Variants in TSHZ1 observed in about 807,000 individuals in gnomAD.
TSHZ1 encodes teashirt zinc finger homeobox 1, also known as teashirt homolog 1.
A neutral mutation model predicts 67.1 loss-of-function variants in TSHZ1; 12 were observed. That is an observed-to-expected ratio of 0.18 (90% CI 0.11 to 0.29). The LOEUF is 0.29. Ranked by LOEUF, TSHZ1 falls within the 10% of genes least tolerant of loss-of-function variation. The pLI, the probability that TSHZ1 is intolerant of heterozygous loss-of-function variation, is 1.00. For missense variants in TSHZ1, 1,305 were observed against 1,413.9 expected (o/e 0.92, Z 1.23); for synonymous variants, 632 against 622.4 (o/e 1.02, Z -0.23).
intron 1 of TSHZ1, among the ~76,000 whole-genome samples, chr18:75,230,294 C>T (rs2022980794): frequency 6.6e-6 from 1 of 152,200 alleles, no homozygotes; most frequent in Non-Finnish European, 1.5e-5. Context: ...TCCTGTCCGT[C>T]CTGGAGTGAC....
intron 1 of TSHZ1, among the ~76,000 whole-genome samples, chr18:75,216,128 G>GAATA (rs1420645964): frequency 6.6e-6 from 1 of 152,108 alleles, no homozygotes; most frequent in Admixed American, 6.5e-5. Flanking sequence ...CATACAGGGG[G>GAATA]ATGAAAATAG....
intron 1 of TSHZ1, among the ~76,000 whole-genome samples, chr18:75,243,672 G>A (rs1035307428): frequency 2.0e-5 from 3 of 152,210 alleles, no homozygotes; most frequent in Admixed American, 6.5e-5. Context: ...AGTAGGACTA[G>A]CTGAGGAATG....
chr18:75,261,314 TA>T (rs1422665349), intron 1 of TSHZ1, among the ~76,000 whole-genome samples: 5 of 152,328 alleles, frequency 3.3e-5, no homozygotes, highest in Admixed American at 3.3e-4. Flanking sequence ...AACATCATTG[TA>T]ACACATTTAT....
intron 1 of TSHZ1, among the ~76,000 whole-genome samples, chr18:75,266,314 A>G (rs552285051): frequency 6.6e-6 from 1 of 152,326 alleles, no homozygotes; most frequent in African/African-American, 2.4e-5. Flanking sequence ...TCTGACTTCA[A>G]TGCAGTGGAT....
intron 1 of TSHZ1, among the ~76,000 whole-genome samples, chr18:75,223,309 A>G (rs1366297069): frequency 6.6e-6 from 1 of 152,194 alleles, no homozygotes; most frequent in Non-Finnish European, 1.5e-5. Context: ...ATGTGCTCGT[A>G]TAGGGAAGAT....
At chr18:75,257,165 A>G (rs1287731742) in intron 1 of TSHZ1, among the ~76,000 whole-genome samples, 1 of 152,218 alleles carries the variant, frequency 6.6e-6, no homozygotes, top group Non-Finnish European at 1.5e-5. Flanking sequence ...TTGACCTTCA[A>G]TTGGGGGATC....
At chr18:75,244,729 G>A (rs886321950) in intron 1 of TSHZ1, 4 of 152,274 alleles carry the variant, frequency 2.6e-5, no homozygotes, top group Non-Finnish European at 4.4e-5. Flanking sequence ...TCAGTGCAGC[G>A]TTGAGCTTCA....
Position 75,211,899 on chromosome 18 carries a change from C to T in TSHZ1, c.23C>T (p.Ala8Val), listed in dbSNP as rs1044316616. The change falls in exon 1 of 2, where the codon GCC (alanine) becomes GTC (valine). Residue 8 changes from alanine to valine, a missense_variant. Around this residue, in one of 3 missense-constraint regions of TSHZ1, gnomAD observed 358 missense variants for 375.6 expected, o/e 0.95. Transcript: ENST00000580243. The stretch of plus-strand genomic sequence containing the variant: ...AGCATGCCGAGGAGGAAGCAGCAGG[C>T]CCCCCGGCGCTCGGCAGGTAACGGG... The part of the protein sequence containing the change: MPRRKQQ[A>V]PRRSAAYVPE... 4.5e-5 allele frequency: 54 copies of T among 1,197,678 alleles called. No individual in the cohort carries two copies. Among genetic ancestry groups the T allele is most frequent in the Non-Finnish European group, 4.1e-5 (40 of 966,112 alleles). 74.2% of individuals were successfully genotyped at this position (1,197,678 alleles called of 1,614,324 possible).
At chr18:75,218,433 A>G (rs1360038514) in intron 1 of TSHZ1, among the ~76,000 whole-genome samples, 1 of 152,230 alleles carries the variant, frequency 6.6e-6, no homozygotes, top group Non-Finnish European at 1.5e-5. Context: ...TTGATTTATG[A>G]AGGGGAACAG....
At chr18:75,276,745 T>G (rs17056773) in intron 1 of TSHZ1, among the ~76,000 whole-genome samples, 31,448 of 152,150 alleles carry the variant, frequency 0.21, 3,480 homozygotes, top group East Asian at 0.5. Context: ...GATAAACATG[T>G]AATTTGGTAA....
chr18:75,253,904 G>A (rs2023333786), intron 1 of TSHZ1, among the ~76,000 whole-genome samples: 1 of 152,192 alleles, frequency 6.6e-6, no homozygotes, highest in Non-Finnish European at 1.5e-5. Context: ...GTGTTATCTG[G>A]TAGTGGTGAG....
At chr18:75,261,264 T>A (rs1300742518) in intron 1 of TSHZ1, among the ~76,000 whole-genome samples, 1 of 152,190 alleles carries the variant, frequency 6.6e-6, no homozygotes, top group African/African-American at 2.4e-5. Flanking sequence ...GCTGTCTAAC[T>A]CTGCCATAGA....
chr18:75,283,378 C>T (rs553873219), intron 1 of TSHZ1: 1 of 152,366 alleles, frequency 6.6e-6, no homozygotes, highest in South Asian at 2.1e-4. Flanking sequence ...TAATTACAGG[C>T]TAATGACAAT....
At chr18:75,274,184 T>C (rs1199334771) in intron 1 of TSHZ1, among the ~76,000 whole-genome samples, 1 of 152,208 alleles carries the variant, frequency 6.6e-6, no homozygotes, top group African/African-American at 2.4e-5. Flanking sequence ...CAAAGCTGTT[T>C]TGACACAAAA....
At chr18:75,234,705 G>C (rs8092694) in intron 1 of TSHZ1, among the ~76,000 whole-genome samples, 13,951 of 152,036 alleles carry the variant, frequency 0.092, 1,444 homozygotes, top group African/African-American at 0.26. Context: ...CTGTGAGGTT[G>C]TGGATATTTC....
intron 1 of TSHZ1, among the ~76,000 whole-genome samples, chr18:75,212,233 G>A (rs1245426322): frequency 2.6e-5 from 4 of 152,206 alleles, no homozygotes; most frequent in African/African-American, 9.6e-5. Context: ...GTGCGCTGAG[G>A]GGAAGTAGTT....
rs115803452 is a variant in TSHZ1, at chr18:75,236,281, G to A, written c.40+24365G>A. Among the ~76,000 whole-genome samples, 687 of 152,218 alleles carry A rather than the reference G, an allele frequency of 4.5e-3. 7 individuals are homozygous for A. Among genetic ancestry groups the A allele is most frequent in the African/African-American group, 0.015 (638 of 41,514 alleles). On this transcript the variant is annotated intron_variant, in intron 1 of 1. Transcript: ENST00000580243. Reference sequence around the variant, plus strand: ...CGAGCCATCACAGGAGGGAGATGGCGTTCTTTGGGCAGACCCAATTCTAAC... The same window carrying A: ...CGAGCCATCACAGGAGGGAGATGGCATTCTTTGGGCAGACCCAATTCTAAC...
chr18:75,214,115 G>A (rs936685754), intron 1 of TSHZ1, among the ~76,000 whole-genome samples: 5 of 152,158 alleles, frequency 3.3e-5, no homozygotes, highest in Admixed American at 6.5e-5. Flanking sequence ...GGATTCTTGT[G>A]TTCATTAGAT....
chr18:75,253,574 C>T (rs1398799850), intron 1 of TSHZ1, among the ~76,000 whole-genome samples: 1 of 152,160 alleles, frequency 6.6e-6, no homozygotes, highest in African/African-American at 2.4e-5. Context: ...CAGTGAGATA[C>T]TGGGATTATT....
Sources: allele counts gnomAD v4.1 joint callset (sites outside exome capture counted in the v4.1 genomes callset), GRCh38; gene constraint gnomAD v4.1.1; regional missense constraint gnomAD v4.1.1; transcripts MANE v1.5; gene names NCBI Gene and HGNC (gene_info 2026-07-23, HGNC 2026-07-21).